The following CRTAC1 variants were observed in gnomAD, a reference collection of about 807,000 sequenced individuals.
CRTAC1 encodes acidic secreted protein in cartilage.
A neutral mutation model predicts 67.8 loss-of-function variants in CRTAC1; 37 were observed. The ratio of observed to expected loss-of-function variants is 0.55; its 90% CI spans 0.42 to 0.72. The LOEUF (loss-of-function observed/expected upper bound fraction) is 0.72. Ranked by LOEUF, CRTAC1 falls within the 30% of genes least tolerant of loss-of-function variation. CRTAC1 has a pLI of 0.00. For missense variants in CRTAC1, 780 were observed against 931.6 expected (o/e 0.84, Z 2.12); for synonymous variants, 348 against 371.0 (o/e 0.94, Z 0.71).
chr10:97,943,416 T>G (rs1016986790), intron 2 of CRTAC1, among the ~76,000 whole-genome samples: 1 of 152,362 alleles, frequency 6.6e-6, no homozygotes, highest in Non-Finnish European at 1.5e-5. Flanking sequence ...CTCGAAGTCA[T>G]GGACACATCA....
At chr10:98,005,100 A>ATATATTTTTTT in intron 2 of CRTAC1, among the ~76,000 whole-genome samples, 8 of 48,884 alleles carry the variant, frequency 1.6e-4, no homozygotes, top group African/African-American at 8.1e-4. Flanking sequence ...ATATATATAT[A>ATATATTTTTTT]TTTTTTTTTT....
chr10:97,939,253 C>T (rs551900587), intron 2 of CRTAC1, among the ~76,000 whole-genome samples: 1 of 152,316 alleles, frequency 6.6e-6, no homozygotes, highest in Admixed American at 6.5e-5. Context: ...AAGGTCCCTG[C>T]ACCATGGTAG....
chr10:97,995,959 G>C (rs991843256), intron 2 of CRTAC1, among the ~76,000 whole-genome samples: 1 of 152,110 alleles, frequency 6.6e-6, no homozygotes, highest in African/African-American at 2.4e-5. Context: ...AAGAGATCAA[G>C]ACCATCCTGG....
In CRTAC1 at chr10:98,007,052, T is replaced by C. The variant is rs546365196; in HGVS notation, c.224+4086A>G. 2.6e-5 allele frequency among the ~76,000 whole-genome samples: 4 copies of C among 152,362 alleles called. No homozygotes were observed. In the East Asian group the frequency reaches 5.8e-4, roughly 22 times the overall value. ...GGCAGGGCAGTGATCCTAGCTTTCA[T>C]TGTTTGAAAAGACAGTGATCATCTG... On this transcript the variant is annotated intron_variant, in intron 2 of 14. Coordinates refer to ENST00000370597, the MANE Select transcript of CRTAC1 (RefSeq NM_018058.7).
chr10:98,014,616 CA>C (rs1348760377), intron 1 of CRTAC1, among the ~76,000 whole-genome samples: 1 of 152,026 alleles, frequency 6.6e-6, no homozygotes, highest in Non-Finnish European at 1.5e-5. Flanking sequence ...AACTCAACAA[CA>C]AAAAAACTAA....
intron 2 of CRTAC1, among the ~76,000 whole-genome samples, chr10:97,988,702 A>C (rs2052025379): frequency 6.6e-6 from 1 of 152,244 alleles, no homozygotes; most frequent in South Asian, 2.1e-4. Context: ...CCTGGGCAAC[A>C]GAGCAAGACT....
intron 14 of CRTAC1, chr10:97,869,675 A>C (rs1264637004): frequency 6.6e-6 from 1 of 152,348 alleles, no homozygotes; most frequent in Non-Finnish European, 1.5e-5. Context: ...AGGTGGAGAC[A>C]GAAAGAACTA....
At chr10:98,003,408 C>T (rs891944293) in intron 2 of CRTAC1, among the ~76,000 whole-genome samples, 5 of 152,158 alleles carry the variant, frequency 3.3e-5, no homozygotes, top group African/African-American at 7.2e-5. Flanking sequence ...TGTTTTCTTC[C>T]GGAGGCTCGA....
chr10:97,904,285 C>T (rs1024783929), intron 7 of CRTAC1, among the ~76,000 whole-genome samples: 4 of 152,206 alleles, frequency 2.6e-5, no homozygotes, highest in African/African-American at 9.7e-5. Flanking sequence ...CCCACCCCCA[C>T]TCTGGGCCCT....
At chr10:97,917,715 C>T (rs1374619088) in intron 4 of CRTAC1, 59 bp from the exon 5 acceptor site, 2 of 1,378,532 alleles carry the variant, frequency 1.5e-6, no homozygotes, top group Non-Finnish European at 9.7e-7. Context: ...CCAGAAACCG[C>T]CCCCTCCCCA....
chr10:98,028,524 A>G (rs1235481951), intron 1 of CRTAC1, among the ~76,000 whole-genome samples: 1 of 152,122 alleles, frequency 6.6e-6, no homozygotes, highest in Non-Finnish European at 1.5e-5. Flanking sequence ...TGCACTCCCT[A>G]GAATTACACA....
In CRTAC1 at chr10:98,011,085, A is replaced by G. The variant is rs901958111; in HGVS notation, c.224+53T>C. The G allele has an allele frequency of 3.9e-5, 60 of 1,528,852 alleles. 1 individual carries two copies. In the Admixed American group the frequency reaches 9.9e-4, roughly 25 times the overall value. 94.7% of individuals were successfully genotyped at this position (1,528,852 alleles called of 1,614,324 possible). A position where few individuals can be genotyped will look rare whatever the true frequency, so the allele number is the denominator to read the frequency against. ...GGGTTTGGAGTTGTTACACAGCCTT[A>G]TTACAGCAAAATCTGATTAATATCT... On this transcript the variant is annotated intron_variant, in intron 2 of 14. Coordinates refer to ENST00000370597, the MANE Select transcript of CRTAC1 (RefSeq NM_018058.7).
At chr10:97,977,517 C>CT (rs2051827177) in intron 2 of CRTAC1, among the ~76,000 whole-genome samples, 1 of 147,546 alleles carries the variant, frequency 6.8e-6, no homozygotes, top group Admixed American at 6.6e-5. Flanking sequence ...GATGTTCCTG[C>CT]TGTTAAAAAG....
chr10:97,958,620 G>C (rs187499616), intron 2 of CRTAC1, among the ~76,000 whole-genome samples: 324 of 152,172 alleles, frequency 2.1e-3, no homozygotes, highest in Admixed American at 4.2e-3. Flanking sequence ...AGAATATTAG[G>C]GTTCACTATT....
Position 97,917,502 on chromosome 10 carries a change from G to C in CRTAC1, c.713C>G (p.Thr238Arg). The C allele has an allele frequency of 6.4e-7, 1 of 1,570,378 alleles. No homozygotes were observed. Among genetic ancestry groups the C allele is most frequent in the Non-Finnish European group, 8.7e-7 (1 of 1,152,900 alleles). The change falls in exon 5 of 15, where the codon ACA becomes AGA. Residue 238 changes from threonine (T) to arginine (R), a missense_variant and splice_region_variant. Coordinates refer to ENST00000370597, the MANE Select transcript of CRTAC1 (RefSeq NM_018058.7). The stretch of plus-strand genomic sequence containing the variant: ...ACCTCCCATGTCACTCTGCATACCT[G>C]TATATTTGCTGACCCCAGCCTCAGC... The part of the protein sequence containing the change: ...VAAEAGVSKY[T>R]GGRGVSVGPI...
At position 98,030,113 on chromosome 10, in the gene CRTAC1, C is replaced by T. The variant is rs567794837; in HGVS notation, c.24+336G>A. 6.6e-6 allele frequency among the ~76,000 whole-genome samples: 1 copy of T among 152,236 alleles called. No individual in the cohort carries two copies. The highest frequency in any genetic ancestry group is 2.1e-4 in the South Asian group (1 of 4,828). On this transcript the variant is annotated intron_variant, in intron 1 of 14. Coordinates refer to ENST00000370597, the MANE Select transcript of CRTAC1 (RefSeq NM_018058.7). The surrounding 1 kb of genome is among the most constrained non-coding windows in gnomAD (Gnocchi z 4.2). The stretch of plus-strand genomic sequence containing the variant: ...CCTCACCCGCTCCGCCCCCTCCAGG[C>T]CCCAGAGGCCCCCTCCCCTGACAGC...
chr10:97,942,751 AT>A (rs970133474), intron 2 of CRTAC1, among the ~76,000 whole-genome samples: 14 of 151,310 alleles, frequency 9.3e-5, no homozygotes, highest in Middle Eastern at 3.4e-3. Flanking sequence ...TTTCATTAAA[AT>A]TTTTTTTCCA....
intron 2 of CRTAC1, among the ~76,000 whole-genome samples, chr10:97,965,454 T>G (rs1311573654): frequency 2.0e-5 from 3 of 152,214 alleles, no homozygotes; most frequent in African/African-American, 7.2e-5. Flanking sequence ...AAATCTCCCC[T>G]TTCTTTTGTA....
At chr10:97,868,852 CATAATA>C (rs1209357912) in intron 14 of CRTAC1, 2 of 152,156 alleles carry the variant, frequency 1.3e-5, no homozygotes, top group African/African-American at 4.8e-5. Flanking sequence ...AAATGGTAAT[CATAATA>C]ATAATAGTAG....
Sources: allele counts gnomAD v4.1 joint callset (sites outside exome capture counted in the v4.1 genomes callset), GRCh38; gene constraint gnomAD v4.1.1; non-coding constraint Gnocchi (gnomAD v3.1); transcripts MANE v1.5; gene names NCBI Gene and HGNC (gene_info 2026-07-23, HGNC 2026-07-21).